The following RRP12 variants were observed in gnomAD, a reference collection of about 807,000 sequenced individuals.
RRP12 encodes RRP12-like protein.
In RRP12, 78 loss-of-function variants were observed where a neutral mutation model predicts 157.3. The ratio of observed to expected loss-of-function variants is 0.50; its 90% CI spans 0.41 to 0.60. The LOEUF (loss-of-function observed/expected upper bound fraction) is 0.60. RRP12 is among the 20% of genes least tolerant of loss of function. The pLI is 0.00. For missense variants in RRP12, 1,521 were observed against 1,679.9 expected (o/e 0.91, Z 1.65); for synonymous variants, 726 against 670.9 (o/e 1.08, Z -1.27).
rs766136840 is a variant in RRP12 at position 97,370,250 on chromosome 10, A to G, written c.2714T>C (p.Leu905Pro). ...CGCGCCCACCAGGCCAGGGTAGATCAGGACGAGGTAGCACTGCAGGGCCTC... is the reference window on the plus strand; with the variant it reads ...CGCGCCCACCAGGCCAGGGTAGATCGGGACGAGGTAGCACTGCAGGGCCTC... ...QEEALQCYLV[L>P]IYPGLVGAVT... is the part of the protein sequence containing the mutation. Residue 905 changes from leucine to proline, a missense_variant, in exon 24 of 34, where the codon CTG becomes CCG. Physicochemically the swap from Leu to Pro is moderately conservative, Grantham distance 98 (BLOSUM62 -3). Transcript: ENST00000370992. 4.4e-6 allele frequency: 7 copies of G among 1,599,592 alleles called. No individual in the cohort carries two copies. The South Asian group carries it at 4.5e-5, about 10-fold the overall frequency.
chr10:97,390,994 T>C (rs1844788406), intron 4 of RRP12, 150 bp from the exon 5 acceptor site: 2 of 634,830 alleles, frequency 3.2e-6, no homozygotes, highest in African/African-American at 1.8e-5. Context: ...GCACCCACCT[T>C]ATCAGCCAGC....
chr10:97,388,154 G>A (rs1255771154), intron 8 of RRP12, 98 bp downstream of exon 8: 3 of 1,508,934 alleles, frequency 2.0e-6, no homozygotes, highest in African/African-American at 1.4e-5. Context: ...CACAGTCAGG[G>A]AGGGAGACCC....
At chr10:97,389,906 T>C (rs1273001974) in intron 6 of RRP12, among the ~76,000 whole-genome samples, 1 of 151,924 alleles carries the variant, frequency 6.6e-6, no homozygotes, top group Admixed American at 6.6e-5. Flanking sequence ...AGAGTCGAGG[T>C]TTCACTATGT....
intron 10 of RRP12, among the ~76,000 whole-genome samples, chr10:97,384,418 G>T (rs1157999325): frequency 1.4e-5 from 2 of 147,524 alleles, no homozygotes. Context: ...AACCTTGGCA[G>T]CCAGGATGGT....
intron 4 of RRP12, among the ~76,000 whole-genome samples, chr10:97,391,121 T>A (rs1002724557): frequency 2.0e-5 from 3 of 152,130 alleles, no homozygotes; most frequent in African/African-American, 4.8e-5. Context: ...CCAGAAAGCC[T>A]GGGGCCAACT....
intron 4 of RRP12, among the ~76,000 whole-genome samples, chr10:97,391,565 CTG>C (rs1314485229): frequency 2.0e-5 from 3 of 151,674 alleles, no homozygotes; most frequent in African/African-American, 7.3e-5. Context: ...GAGCGAAACT[CTG>C]TCTCAAAAAT....
intron 3 of RRP12, among the ~76,000 whole-genome samples, chr10:97,395,997 C>A (rs1844952822): frequency 6.6e-6 from 1 of 151,874 alleles, no homozygotes; most frequent in Admixed American, 6.6e-5. Flanking sequence ...GAGACCCTGT[C>A]TCTTTAAAAA....
chr10:97,358,692 GC>G, intron 32 of RRP12, 73 bp from the exon 33 acceptor site: 1 of 1,166,302 alleles, frequency 8.6e-7, no homozygotes, highest in Non-Finnish European at 1.3e-6. Flanking sequence ...GACTTGACAG[GC>G]CCCATAACCT....
Position 97,366,603 on chromosome 10 carries a change from A to G in RRP12, c.3234T>C (p.Ala1078=). The change falls in exon 28 of 34, where the codon GCT becomes GCC. Residue 1078 remains alanine (A), a synonymous_variant. Transcript: ENST00000370992. ...CATTGTCCTCCTCGTCCTCTGAGTC[A>G]GCTAAAATCTCCTCAATGCTAAGGA... ...GKGDSIEEIL[A]DSEDEEDNEE... is the part of the protein sequence containing the mutation. 1 of 1,613,130 alleles carries G rather than the reference A, an allele frequency of 6.2e-7. No individual in the cohort carries two copies. Among genetic ancestry groups the G allele is most frequent in the Non-Finnish European group, 8.5e-7 (1 of 1,179,548 alleles).
intron 10 of RRP12, among the ~76,000 whole-genome samples, chr10:97,383,812 G>A (rs369853007): frequency 2.0e-5 from 3 of 152,206 alleles, no homozygotes; most frequent in African/African-American, 7.2e-5. Flanking sequence ...GAGTGCACAG[G>A]AAGACACAGC....
In RRP12 at chr10:97,360,530, G is replaced by T; in HGVS notation, c.3640+16C>A. 1 of 1,597,434 alleles carries T rather than the reference G, an allele frequency of 6.3e-7. No homozygotes were observed. The highest frequency in any genetic ancestry group is 8.6e-7 in the Non-Finnish European group (1 of 1,164,922). On this transcript the variant is annotated intron_variant, in intron 31 of 33. Transcript: ENST00000370992. Reference sequence around the variant, plus strand: ...AGGGATCCATGTGTCCCAGGAGAGAGGAGTGGAAGCCTCACCTTGGTACTG... The same window carrying T: ...AGGGATCCATGTGTCCCAGGAGAGATGAGTGGAAGCCTCACCTTGGTACTG...
At chr10:97,390,370 G>T in intron 6 of RRP12, 53 bp downstream of exon 6, 1 of 1,382,350 alleles carries the variant, frequency 7.2e-7, no homozygotes, top group Non-Finnish European at 1.0e-6. Context: ...GCTGCACTGG[G>T]CTGAGTGGTG....
intron 9 of RRP12, 62 bp from the exon 10 acceptor site, chr10:97,385,319 A>G: frequency 8.0e-7 from 1 of 1,249,542 alleles, no homozygotes; most frequent in South Asian, 1.3e-5. Flanking sequence ...AGTGATGATG[A>G]CCCCTTCCCA....
At chr10:97,388,461 C>T (rs1317059755) in intron 7 of RRP12, 28 bp downstream of exon 7, 2 of 1,613,250 alleles carry the variant, frequency 1.2e-6, no homozygotes, top group Admixed American at 1.7e-5. Flanking sequence ...TGCCTCCCAT[C>T]CACCTGCCCT....
chr10:97,391,341 G>A (rs1295093119), intron 4 of RRP12, among the ~76,000 whole-genome samples: 3 of 152,216 alleles, frequency 2.0e-5, no homozygotes, highest in African/African-American at 7.2e-5. Flanking sequence ...GGAGGCCAAG[G>A]TGGGCAGATA....
At chr10:97,386,080 T>C (rs1844623788) in intron 8 of RRP12, 87 bp from the exon 9 acceptor site, 1 of 831,598 alleles carries the variant, frequency 1.2e-6, no homozygotes, top group Non-Finnish European at 2.0e-6. Context: ...TGCTAGGGAG[T>C]TGAGGGCCCC....
chr10:97,377,969 CT>C (rs1844357213), intron 15 of RRP12, among the ~76,000 whole-genome samples: 1 of 152,092 alleles, frequency 6.6e-6, no homozygotes, highest in African/African-American at 2.4e-5. Context: ...CGAAAAGCTT[CT>C]GAAGCCATCA....
rs991172668 is a variant in RRP12 at position 97,357,360 on chromosome 10, C to T, written c.3792-164G>A. ...AGACCTCACGTGGTTCCAGCTTCCA[C>T]ACGGCTCATGTCCTGACCTGGACAT... is the stretch of plus-strand genomic sequence containing the variant. On this transcript the variant is annotated intron_variant, in intron 33 of 33. Coordinates refer to ENST00000370992, the MANE Select transcript of RRP12 (RefSeq NM_015179.4). Among the ~76,000 whole-genome samples, 3 of 152,190 alleles carry T rather than the reference C, an allele frequency of 2.0e-5. No homozygotes were observed. In the East Asian group the frequency reaches 5.8e-4, roughly 29 times the overall value.
rs765298332 is a variant in RRP12, at chr10:97,366,589, T to C, written c.3248A>G (p.Glu1083Gly). ...TCTTTCCTCCTCCTCATTGTCCTCC[T>C]CGTCCTCTGAGTCAGCTAAAATCTC... The part of the protein sequence containing the change: ...IEEILADSED[E>G]EDNEEEERSR... The change falls in exon 28 of 34, where the codon GAG becomes GGG. Residue 1083 changes from glutamate to glycine, a missense_variant. Coordinates refer to ENST00000370992, the MANE Select transcript of RRP12 (RefSeq NM_015179.4). 1 of 1,613,946 alleles carries C rather than the reference T, an allele frequency of 6.2e-7. No individual in the cohort carries two copies. Among genetic ancestry groups the C allele is most frequent in the Non-Finnish European group, 8.5e-7 (1 of 1,179,936 alleles).
Sources: allele counts gnomAD v4.1 joint callset (sites outside exome capture counted in the v4.1 genomes callset), GRCh38; gene constraint gnomAD v4.1.1; transcripts MANE v1.5; gene names NCBI Gene and HGNC (gene_info 2026-07-23, HGNC 2026-07-21).